Variants in JAKMIP2 observed in about 807,000 individuals in gnomAD.
JAKMIP2 encodes the protein janus kinase and microtubule-interacting protein 2.
JAKMIP2 carries 25 observed loss-of-function variants against 115.0 expected under a neutral mutation model. That is an observed-to-expected ratio of 0.22 (90% confidence interval 0.16 to 0.30). JAKMIP2 has a LOEUF of 0.30. Among genes scored for constraint, JAKMIP2 ranks in the 10% least tolerant of loss-of-function variants. The pLI, the probability that JAKMIP2 is intolerant of heterozygous loss-of-function variation, is 1.00. For synonymous variants in JAKMIP2, 334 were observed against 343.6 expected (o/e 0.97, Z 0.31); for missense variants, 642 against 957.6 (o/e 0.67, Z 4.35).
At chr5:147,775,602 TATG>T (rs1755526590) in intron 1 of JAKMIP2, among the ~76,000 whole-genome samples, 2 of 152,198 alleles carry the variant, frequency 1.3e-5, no homozygotes, top group African/African-American at 4.8e-5. Flanking sequence ...TGTTAAGTGT[TATG>T]ATATATTACC....
rs181039827 is a variant in JAKMIP2, at chr5:147,704,045, G to A, written c.-148-32091C>T. On this transcript the variant is annotated intron_variant, in intron 1 of 21. Transcript: ENST00000616793. Reference sequence around the variant, plus strand: ...TCTCCACAGCCTGTCCCACTAGAAGGTCTTCAGGGGCAATAACATGCATGG... The same window carrying A: ...TCTCCACAGCCTGTCCCACTAGAAGATCTTCAGGGGCAATAACATGCATGG... Among the ~76,000 whole-genome samples the A allele has an allele frequency of 5.9e-3, 898 of 152,134 alleles. 3 individuals are homozygous for A. The highest frequency in any genetic ancestry group is 8.5e-3 in the Non-Finnish European group (576 of 67,988).
chr5:147,710,889 T>C (rs1473400878), intron 1 of JAKMIP2, among the ~76,000 whole-genome samples: 1 of 152,200 alleles, frequency 6.6e-6, no homozygotes. Flanking sequence ...TAGGGATGCA[T>C]TCCAAGTAGT....
At chr5:147,630,393 C>T (rs893812224) in intron 14 of JAKMIP2, among the ~76,000 whole-genome samples, 1 of 152,084 alleles carries the variant, frequency 6.6e-6, no homozygotes, top group Non-Finnish European at 1.5e-5. Flanking sequence ...AAGGAAAAGG[C>T]AAAGTAAATT....
At chr5:147,718,585 T>C (rs1260328529) in intron 1 of JAKMIP2, among the ~76,000 whole-genome samples, 2 of 150,688 alleles carry the variant, frequency 1.3e-5, no homozygotes, top group African/African-American at 4.9e-5. Context: ...GGAGAGTGTA[T>C]GTGTCGAGGA....
At chr5:147,627,766 C>T (rs1757170168) in intron 16 of JAKMIP2, among the ~76,000 whole-genome samples, 1 of 150,456 alleles carries the variant, frequency 6.6e-6, no homozygotes, top group African/African-American at 2.4e-5. Flanking sequence ...ATCTGATACC[C>T]AGTCCACATT....
chr5:147,781,552 A>G (rs1483396312), intron 1 of JAKMIP2, among the ~76,000 whole-genome samples: 3 of 152,046 alleles, frequency 2.0e-5, no homozygotes, highest in Non-Finnish European at 4.4e-5. Flanking sequence ...TCCCCCACAA[A>G]CCCAATTAAA....
chr5:147,603,171 C>T (rs1755802252), intron 20 of JAKMIP2, among the ~76,000 whole-genome samples: 1 of 152,130 alleles, frequency 6.6e-6, no homozygotes, highest in Admixed American at 6.5e-5. Flanking sequence ...CATTTGGAGT[C>T]AGACACCCTG....
chr5:147,680,165 T>C (rs972344858), intron 1 of JAKMIP2, among the ~76,000 whole-genome samples: 1 of 152,184 alleles, frequency 6.6e-6, no homozygotes, highest in East Asian at 1.9e-4. Flanking sequence ...ATTATTTTTA[T>C]CATTGTTATA....
chr5:147,750,561 T>TACACACACACACACACACACACACAC (rs151015424), intron 1 of JAKMIP2, among the ~76,000 whole-genome samples: 1 of 142,808 alleles, frequency 7.0e-6, no homozygotes, highest in Non-Finnish European at 1.5e-5. Flanking sequence ...TGCCAGAAAA[T>TACACACACACACACACACACACACAC]ACACACACAC....
chr5:147,749,050 C>A (rs894848869), intron 1 of JAKMIP2, among the ~76,000 whole-genome samples: 22 of 152,114 alleles, frequency 1.4e-4, no homozygotes, highest in African/African-American at 5.1e-4. Flanking sequence ...CGCTTCATTC[C>A]CACTTAAGAG....
rs531131205 is a variant in JAKMIP2, at chr5:147,701,832, C to T, written c.-148-29878G>A. Among the ~76,000 whole-genome samples, 5 of 152,258 alleles carry T rather than the reference C, an allele frequency of 3.3e-5. No individual in the cohort carries two copies. The East Asian group carries it at 7.7e-4, about 24-fold the overall frequency. On this transcript the variant is annotated intron_variant, in intron 1 of 21. Transcript: ENST00000616793. ...GGTGCCTTGATCCTGGACTTATCAG[C>T]CTCAAAACTGTGAGCAATAAATTCC...
intron 2 of JAKMIP2, chr5:147,661,649 A>G (rs1433360443): frequency 5.3e-6 from 3 of 569,198 alleles, no homozygotes; most frequent in South Asian, 2.3e-5. Context: ...GGATATTTAT[A>G]TTACTTTGTT....
chr5:147,660,703 A>G, intron 3 of JAKMIP2: 1 of 498,484 alleles, frequency 2.0e-6, no homozygotes, highest in South Asian at 2.3e-5. Context: ...TGGAGAATCC[A>G]GTTTTTATGA....
At chr5:147,731,393 G>A (rs1278307609) in intron 1 of JAKMIP2, among the ~76,000 whole-genome samples, 2 of 152,166 alleles carry the variant, frequency 1.3e-5, no homozygotes, top group African/African-American at 4.8e-5. Flanking sequence ...TTCTAAAAGT[G>A]CCCAGGTCTG....
chr5:147,760,230 G>A (rs1291900780), intron 1 of JAKMIP2, among the ~76,000 whole-genome samples: 3 of 152,016 alleles, frequency 2.0e-5, no homozygotes, highest in Non-Finnish European at 4.4e-5. Flanking sequence ...GTGTGAGCCT[G>A]GACTTCTGAG....
intron 1 of JAKMIP2, among the ~76,000 whole-genome samples, chr5:147,719,072 A>G (rs1753141997): frequency 7.3e-6 from 1 of 137,260 alleles, no homozygotes; most frequent in South Asian, 2.6e-4. Flanking sequence ...GGTTTCAAAG[A>G]ACATCTTTAT....
intron 6 of JAKMIP2, among the ~76,000 whole-genome samples, chr5:147,644,574 G>A (rs1758036033): frequency 6.6e-6 from 1 of 152,148 alleles, no homozygotes. Context: ...TGGTTTCTGT[G>A]GCTAAGTTAT....
Position 147,704,556 on chromosome 5 carries a change from G to C in JAKMIP2, c.-148-32602C>G, listed in dbSNP as rs1752494275. Among the ~76,000 whole-genome samples the C allele has an allele frequency of 2.0e-5, 3 of 152,098 alleles. No individual in the cohort carries two copies. The South Asian group carries it at 6.2e-4, about 32-fold the overall frequency. ...AAGAGAGGAGGAGGCTCCAACATTA[G>C]AGGCAGAGCAAGGTAAGAGGAAAGA... On this transcript the variant is annotated intron_variant, in intron 1 of 21. Transcript: ENST00000616793.
intron 20 of JAKMIP2, among the ~76,000 whole-genome samples, chr5:147,604,175 T>G (rs1358134614): frequency 6.6e-6 from 1 of 152,152 alleles, no homozygotes; most frequent in African/African-American, 2.4e-5. Flanking sequence ...ACTGGGAAAT[T>G]TATTGTATGT....
Sources: gnomAD v4.1 joint callset for allele counts (sites outside exome capture counted in the v4.1 genomes callset) on GRCh38, gnomAD v4.1.1 for gene constraint, MANE v1.5 for transcripts, NCBI Gene and HGNC (gene_info 2026-07-23, HGNC 2026-07-21) for gene names.